DLG2: variants seen among roughly 807,000 people sequenced by gnomAD.
The protein encoded by DLG2 is disks large homolog 2.
A neutral mutation model predicts 132.5 loss-of-function variants in DLG2; 45 were observed. The ratio of observed to expected loss-of-function variants is 0.34; its 90% CI spans 0.27 to 0.44. The LOEUF is 0.44. DLG2 is among the 20% of genes least tolerant of loss of function. The pLI is 1.00. For missense variants in DLG2, 1,045 were observed against 1,196.9 expected (o/e 0.87, Z 1.87); for synonymous variants, 424 against 419.6 (o/e 1.01, Z -0.13).
intron 19 of DLG2, among the ~76,000 whole-genome samples, chr11:83,575,919 C>A (rs2096866847): frequency 6.6e-6 from 1 of 151,982 alleles, no homozygotes; most frequent in African/African-American, 2.4e-5. Context: ...AACAATATGA[C>A]TGACAATGGG....
intron 15 of DLG2, among the ~76,000 whole-genome samples, chr11:83,879,626 T>A (rs1306214097): frequency 1.3e-5 from 2 of 152,196 alleles, no homozygotes; most frequent in Admixed American, 1.3e-4. Flanking sequence ...TAAAACGTCA[T>A]CACCTTCCCA....
intron 6 of DLG2, among the ~76,000 whole-genome samples, chr11:84,870,393 CA>C (rs1412171932): frequency 6.6e-6 from 1 of 152,186 alleles, no homozygotes; most frequent in Non-Finnish European, 1.5e-5. Context: ...TCAAGCTTAA[CA>C]AGTGACCTAG....
At chr11:85,052,496 T>C (rs1404779556) in intron 6 of DLG2, among the ~76,000 whole-genome samples, 1 of 152,212 alleles carries the variant, frequency 6.6e-6, no homozygotes, top group Non-Finnish European at 1.5e-5. Flanking sequence ...ACATTTGTTC[T>C]ATTTTAACAA....
chr11:83,864,441 A>T (rs1355705574), intron 16 of DLG2, among the ~76,000 whole-genome samples: 1 of 152,188 alleles, frequency 6.6e-6, no homozygotes, highest in East Asian at 1.9e-4. Flanking sequence ...ATAAGAAGTT[A>T]ATCAATCAAA....
intron 3 of DLG2, among the ~76,000 whole-genome samples, chr11:85,505,145 A>G (rs183724814): frequency 1.4e-4 from 21 of 152,350 alleles, no homozygotes; most frequent in African/African-American, 4.8e-4. Context: ...TTTTCTAAAT[A>G]TACAATCATG....
intron 6 of DLG2, chr11:84,545,566 C>A: frequency 2.6e-6 from 1 of 377,450 alleles, no homozygotes; most frequent in South Asian, 2.3e-5. Flanking sequence ...ACTGAACACT[C>A]TTTGAAGTTT....
At chr11:84,546,522 C>A in intron 6 of DLG2, 1 of 327,870 alleles carries the variant, frequency 3.0e-6, no homozygotes, top group Non-Finnish European at 6.1e-6. Flanking sequence ...CAGCCATCAA[C>A]AAATATCTTT....
intron 11 of DLG2, among the ~76,000 whole-genome samples, chr11:84,040,461 C>G (rs1566167755): frequency 6.6e-6 from 1 of 150,788 alleles, no homozygotes; most frequent in African/African-American, 2.4e-5. Context: ...TTCCCGGCAC[C>G]ATTTATTAAA....
chr11:85,514,630 C>T (rs1279593951), intron 3 of DLG2, among the ~76,000 whole-genome samples: 1 of 151,884 alleles, frequency 6.6e-6, no homozygotes, highest in Non-Finnish European at 1.5e-5. Flanking sequence ...GTCACCATTC[C>T]TCATGTATTT....
At chr11:85,614,351 G>A (rs371707293) in intron 2 of DLG2, among the ~76,000 whole-genome samples, 3 of 151,222 alleles carry the variant, frequency 2.0e-5, no homozygotes, top group South Asian at 2.1e-4. Flanking sequence ...ACATTAAAAT[G>A]TATAGTTCGG....
At chr11:84,203,144 T>A (rs1344661216) in intron 8 of DLG2, among the ~76,000 whole-genome samples, 1 of 151,968 alleles carries the variant, frequency 6.6e-6, no homozygotes, top group African/African-American at 2.4e-5. Flanking sequence ...AAAAATTCTA[T>A]GATAAAATCA....
intron 3 of DLG2, among the ~76,000 whole-genome samples, chr11:85,479,880 A>T (rs894451504): frequency 7.2e-5 from 11 of 152,130 alleles, no homozygotes; most frequent in Admixed American, 1.3e-4. Flanking sequence ...TTCTGTTCAA[A>T]TCTTTGTTCA....
intron 3 of DLG2, among the ~76,000 whole-genome samples, chr11:85,324,578 G>T (rs1309187232): frequency 6.6e-6 from 1 of 152,088 alleles, no homozygotes; most frequent in Non-Finnish European, 1.5e-5. Flanking sequence ...CTGAAATCTA[G>T]ATTTTTATAA....
intron 4 of DLG2, among the ~76,000 whole-genome samples, chr11:85,283,484 A>T (rs1157823228): frequency 1.1e-5 from 1 of 93,240 alleles, no homozygotes; most frequent in Non-Finnish European, 2.5e-5. Flanking sequence ...AACAAACCAG[A>T]AAAAAAAACA....
intron 19 of DLG2, among the ~76,000 whole-genome samples, chr11:83,623,867 T>C (rs1213180463): frequency 2.0e-5 from 3 of 152,216 alleles, no homozygotes; most frequent in African/African-American, 7.2e-5. Flanking sequence ...CCCTCCCCTC[T>C]CACCTATCCT....
rs573801439 is a variant in DLG2 at position 83,847,959 on chromosome 11, G to C, written c.1566-14189C>G. On this transcript the variant is annotated intron_variant, in intron 16 of 27. Coordinates refer to ENST00000376104, the MANE Select transcript of DLG2 (RefSeq NM_001142699.3). ...TGTTTGCCCAATATCGTAGCTACCA[G>C]TCATATGTGTTAGTAAGCACTTGAA... 3.3e-5 allele frequency among the ~76,000 whole-genome samples: 5 copies of C among 152,240 alleles called. No homozygotes were observed. The East Asian group carries it at 9.7e-4, about 29-fold the overall frequency.
intron 8 of DLG2, among the ~76,000 whole-genome samples, chr11:84,235,893 T>C (rs1325784565): frequency 2.0e-5 from 3 of 152,302 alleles, no homozygotes; most frequent in South Asian, 2.1e-4. Context: ...ATACTTTGTA[T>C]GGTTACTGTG....
At chr11:85,163,724 T>C (rs1316848180) in intron 4 of DLG2, among the ~76,000 whole-genome samples, 6 of 152,204 alleles carry the variant, frequency 3.9e-5, no homozygotes, top group East Asian at 3.8e-4. Flanking sequence ...ATTGAAAATA[T>C]GGAGATAGTG....
At chr11:83,520,616 CAGGTAGGTAGATAGGT>C (rs768023151) in intron 21 of DLG2, among the ~76,000 whole-genome samples, 10 of 117,212 alleles carry the variant, frequency 8.5e-5, no homozygotes, top group Non-Finnish European at 1.7e-4. Context: ...GACAGACAGA[CAGGTAGGTAGATAGGT>C]AGGTAGGTAG....
Sources: allele counts gnomAD v4.1 joint callset (sites outside exome capture counted in the v4.1 genomes callset), GRCh38; gene constraint gnomAD v4.1.1; transcripts MANE v1.5; gene names NCBI Gene and HGNC (gene_info 2026-07-23, HGNC 2026-07-21).